Variants in SGCD observed in about 807,000 individuals in gnomAD.
SGCD encodes delta-sarcoglycan.
A neutral mutation model predicts 36.6 loss-of-function variants in SGCD; 18 were observed. That is an observed-to-expected ratio of 0.49 (90% confidence interval 0.34 to 0.73). The LOEUF is 0.73. SGCD is among the 30% of genes least tolerant of loss of function. SGCD has a pLI of 0.01. For synonymous variants in SGCD, 133 were observed against 130.6 expected (o/e 1.02, Z -0.12); for missense variants, 387 against 346.7 (o/e 1.12, Z -0.92).
At chr5:156,016,242 A>AT (rs887435753) in intron 1 of SGCD, among the ~76,000 whole-genome samples, 7 of 151,958 alleles carry the variant, frequency 4.6e-5, no homozygotes, top group Admixed American at 1.3e-4. Context: ...TTTCATTTCA[A>AT]TTTTTTTTCC....
In SGCD at chr5:155,879,952, T is replaced by G. The variant is rs567435444; in HGVS notation, c.-282+9528T>G. On this transcript the variant is annotated intron_variant, in intron 1 of 9. Transcript: ENST00000517913. ...GAAAGACAAAAAGATTTTATTGTTA[T>G]TTTTTGTTTCTGTGTTCCAGCTGAA... 7.9e-5 allele frequency among the ~76,000 whole-genome samples: 12 copies of G among 152,286 alleles called. No individual in the cohort carries two copies. In the South Asian group the frequency reaches 2.5e-3, roughly 32 times the overall value.
At chr5:156,223,740 GA>G (rs1254069427) in intron 3 of SGCD, among the ~76,000 whole-genome samples, 2 of 152,070 alleles carry the variant, frequency 1.3e-5, no homozygotes, top group East Asian at 3.9e-4. Flanking sequence ...GCTAAATGCA[GA>G]GGGGGGATAG....
chr5:155,882,327 C>T (rs1180503030), intron 1 of SGCD, among the ~76,000 whole-genome samples: 1 of 152,018 alleles, frequency 6.6e-6, no homozygotes, highest in Non-Finnish European at 1.5e-5. Context: ...GATCCACCTG[C>T]CTTGGCCTCC....
intron 3 of SGCD, among the ~76,000 whole-genome samples, chr5:156,492,864 T>A (rs1756009464): frequency 6.6e-6 from 1 of 152,174 alleles, no homozygotes; most frequent in African/African-American, 2.4e-5. Context: ...GTTTCCAGCT[T>A]CATCCGTGTC....
chr5:156,143,877 TCCCTCCC>T (rs1391049579), intron 3 of SGCD, among the ~76,000 whole-genome samples: 1 of 119,648 alleles, frequency 8.4e-6, no homozygotes, highest in Non-Finnish European at 1.7e-5. Flanking sequence ...CCTAAGGCTA[TCCCTCCC>T]CCCTCCCCCC....
chr5:156,307,243 T>C (rs763299105), intron 3 of SGCD, among the ~76,000 whole-genome samples: 16 of 152,144 alleles, frequency 1.1e-4, no homozygotes, highest in Non-Finnish European at 1.9e-4. Context: ...AGACAGACTT[T>C]GACCATGTTG....
intron 7 of SGCD, among the ~76,000 whole-genome samples, chr5:156,726,287 G>A (rs1026826945): frequency 3.9e-5 from 6 of 152,078 alleles, no homozygotes; most frequent in East Asian, 1.9e-4. Flanking sequence ...AAAATAGCAC[G>A]GGCATCTGGA....
chr5:155,861,274 A>C, the SGCD span, among the ~76,000 whole-genome samples: 14 of 152,160 alleles, frequency 9.2e-5, no homozygotes, highest in African/African-American at 2.9e-4. Flanking sequence ...TTTTGGGGCC[A>C]AAGACCCCTC....
chr5:156,749,157 A>G (rs1757057784), intron 7 of SGCD, among the ~76,000 whole-genome samples: 2 of 152,198 alleles, frequency 1.3e-5, no homozygotes, highest in South Asian at 2.1e-4. Flanking sequence ...AAATTTAAAA[A>G]TACTAGAAAT....
chr5:156,413,635 C>T (rs752803754), intron 3 of SGCD, among the ~76,000 whole-genome samples: 5 of 152,190 alleles, frequency 3.3e-5, no homozygotes, highest in Non-Finnish European at 7.3e-5. Flanking sequence ...TGCCACCACA[C>T]CTGGCTACTT....
intron 1 of SGCD, among the ~76,000 whole-genome samples, chr5:156,011,347 G>A (rs1391217461): frequency 6.6e-6 from 1 of 152,030 alleles, no homozygotes; most frequent in Non-Finnish European, 1.5e-5. Flanking sequence ...TGGAACTTAA[G>A]TTTACTGAAC....
At chr5:155,860,994 G>A in the SGCD span, among the ~76,000 whole-genome samples, 4 of 152,208 alleles carry the variant, frequency 2.6e-5, no homozygotes, top group Non-Finnish European at 5.9e-5. Context: ...AACTTCATTT[G>A]AGGAAAAAGC....
At chr5:155,747,690 T>C in the SGCD span, among the ~76,000 whole-genome samples, 1 of 152,202 alleles carries the variant, frequency 6.6e-6, no homozygotes, top group African/African-American at 2.4e-5. Flanking sequence ...GCTGAAGTAG[T>C]GCTTGTCATA....
intron 4 of SGCD, among the ~76,000 whole-genome samples, chr5:156,533,456 GA>G: frequency 6.6e-6 from 1 of 152,258 alleles, no homozygotes; most frequent in South Asian, 2.1e-4. Context: ...TTTTCATCCA[GA>G]ACCCCAGACT....
chr5:156,725,173 GATCAACAAT>G (rs1323574831), intron 7 of SGCD, among the ~76,000 whole-genome samples: 2 of 152,302 alleles, frequency 1.3e-5, no homozygotes, highest in East Asian at 3.9e-4. Context: ...TGGAGACGTT[GATCAACAAT>G]ATGAGTCTGG....
the SGCD span, among the ~76,000 whole-genome samples, chr5:155,780,115 T>C: frequency 1.3e-5 from 2 of 152,188 alleles, no homozygotes; most frequent in South Asian, 2.1e-4. Context: ...CATTTTTTTT[T>C]CTAAATGCAC....
rs573335215 is a variant in SGCD, at chr5:156,205,554, G to T, written c.-44+81535G>T. 1.3e-4 allele frequency among the ~76,000 whole-genome samples: 20 copies of T among 152,056 alleles called. No homozygotes were observed. The South Asian group carries it at 4.1e-3, about 31-fold the overall frequency. On this transcript the variant is annotated intron_variant, in intron 3 of 9. Coordinates refer to the SGCD transcript ENST00000517913. ...CAGAAATCTATTGAAAGGGTAAATG[G>T]CTATACATTTTATCCTATTTTTTAG...
At chr5:155,974,894 C>G (rs1049236385) in intron 1 of SGCD, among the ~76,000 whole-genome samples, 1 of 152,056 alleles carries the variant, frequency 6.6e-6, no homozygotes. Context: ...ACCCCCCATC[C>G]TCTGGGCAGT....
the SGCD span, among the ~76,000 whole-genome samples, chr5:155,861,013 G>T: frequency 2.0e-5 from 3 of 152,142 alleles, no homozygotes; most frequent in Non-Finnish European, 4.4e-5. Context: ...GCAGAGAATT[G>T]GAAGGTATTG....
Sources: allele counts gnomAD v4.1 joint callset (sites outside exome capture counted in the v4.1 genomes callset), GRCh38; gene constraint gnomAD v4.1.1; transcripts MANE v1.5; gene names NCBI Gene and HGNC (gene_info 2026-07-23, HGNC 2026-07-21).